SLCO3A1: variants seen among roughly 807,000 people sequenced by gnomAD.
The protein encoded by SLCO3A1 is solute carrier organic anion transporter family member 3A1.
Under a neutral mutation model 63.1 loss-of-function variants are expected in SLCO3A1, and 27 were observed. The ratio of observed to expected loss-of-function variants is 0.43; its 90% CI spans 0.32 to 0.59. The LOEUF (loss-of-function observed/expected upper bound fraction) is 0.59, where lower values mean the gene tolerates loss of function less well. SLCO3A1 is among the 20% of genes least tolerant of loss of function. The probability of loss-of-function intolerance (pLI) is 0.09; values close to 1 mark genes in which losing one functional copy is unlikely to be tolerated. For missense variants in SLCO3A1, 773 were observed against 945.8 expected (o/e 0.82, Z 2.40); for synonymous variants, 473 against 409.9 (o/e 1.15, Z -1.86).
At chr15:92,158,336 T>A (rs1268057653) in intron 9 of SLCO3A1, among the ~76,000 whole-genome samples, 1 of 152,172 alleles carries the variant, frequency 6.6e-6, no homozygotes, top group East Asian at 1.9e-4. Context: ...CAATAAGAGC[T>A]CTAAAGTCTT....
At chr15:91,868,854 T>G (rs1277856944) in intron 1 of SLCO3A1, among the ~76,000 whole-genome samples, 1 of 152,256 alleles carries the variant, frequency 6.6e-6, no homozygotes, top group Admixed American at 6.5e-5. Flanking sequence ...GAACCTACTC[T>G]TTCCTCTAAA....
intron 2 of SLCO3A1, among the ~76,000 whole-genome samples, chr15:92,001,370 G>A (rs2046253075): frequency 6.6e-6 from 1 of 152,132 alleles, no homozygotes; most frequent in Non-Finnish European, 1.5e-5. Flanking sequence ...GGTGCTTGTG[G>A]AATAAATTCC....
intron 2 of SLCO3A1, among the ~76,000 whole-genome samples, chr15:91,978,454 C>T (rs1408002558): frequency 2.0e-5 from 3 of 152,154 alleles, no homozygotes; most frequent in Middle Eastern, 3.2e-3. Context: ...TTCTTAATTA[C>T]CCAAGCCACC....
chr15:92,066,080 C>A (rs2047147996), intron 2 of SLCO3A1, among the ~76,000 whole-genome samples: 1 of 152,202 alleles, frequency 6.6e-6, no homozygotes, highest in East Asian at 1.9e-4. Context: ...CTGTGAGAGT[C>A]TCCAGTGTGG....
At chr15:92,146,613 A>C (rs1167925639) in intron 7 of SLCO3A1, among the ~76,000 whole-genome samples, 4 of 152,276 alleles carry the variant, frequency 2.6e-5, no homozygotes, top group Non-Finnish European at 5.9e-5. Flanking sequence ...TGCATAAAAG[A>C]GAGGACAAAT....
chr15:91,896,908 T>G (rs187579616), intron 1 of SLCO3A1, among the ~76,000 whole-genome samples: 2 of 152,188 alleles, frequency 1.3e-5, no homozygotes, highest in African/African-American at 4.8e-5. Context: ...TATGTCTCAT[T>G]GATACCAGCC....
chr15:91,984,823 T>G (rs2046030238), intron 2 of SLCO3A1, among the ~76,000 whole-genome samples: 1 of 152,234 alleles, frequency 6.6e-6, no homozygotes, highest in African/African-American at 2.4e-5. Context: ...TCATTGCTTT[T>G]CAACTTTATG....
chr15:91,972,941 T>C (rs1403868844), intron 2 of SLCO3A1, among the ~76,000 whole-genome samples: 1 of 152,114 alleles, frequency 6.6e-6, no homozygotes, highest in Non-Finnish European at 1.5e-5. Flanking sequence ...GCCAATATAG[T>C]GAAGCCCCGT....
intron 9 of SLCO3A1, chr15:92,162,535 A>G (rs1022678091): frequency 1.3e-5 from 8 of 625,930 alleles, no homozygotes; most frequent in Non-Finnish European, 2.1e-5. Context: ...CAGATGAGGA[A>G]ACTAAGGCAG....
At chr15:91,952,613 T>A (rs1268446981) in intron 2 of SLCO3A1, among the ~76,000 whole-genome samples, 1 of 152,218 alleles carries the variant, frequency 6.6e-6, no homozygotes, top group Non-Finnish European at 1.5e-5. Context: ...TGTATCTGGC[T>A]ATGATGTTCA....
chr15:92,090,268 T>C (rs1009690452), intron 2 of SLCO3A1, among the ~76,000 whole-genome samples: 1 of 152,228 alleles, frequency 6.6e-6, no homozygotes, highest in African/African-American at 2.4e-5. Context: ...CTTGGGATAG[T>C]AGATTCACAT....
chr15:91,936,627 A>G (rs182661722), intron 2 of SLCO3A1, among the ~76,000 whole-genome samples: 14 of 152,364 alleles, frequency 9.2e-5, no homozygotes, highest in African/African-American at 2.9e-4. Context: ...TGCGGCTTAC[A>G]GGAATGTACA....
chr15:92,134,527 C>T (rs974963117), intron 7 of SLCO3A1, among the ~76,000 whole-genome samples: 1 of 152,164 alleles, frequency 6.6e-6, no homozygotes, highest in African/African-American at 2.4e-5. Context: ...GAAAAGAACA[C>T]ATTGTAAAAT....
chr15:91,963,418 G>GC (rs1567041137), intron 2 of SLCO3A1, among the ~76,000 whole-genome samples: 2 of 130,582 alleles, frequency 1.5e-5, no homozygotes, highest in African/African-American at 2.8e-5. Flanking sequence ...TGGGGGGGGG[G>GC]GGCGGCAGCA....
At chr15:91,926,558 C>CGTGTGT (rs565234731) in intron 2 of SLCO3A1, among the ~76,000 whole-genome samples, 7,190 of 125,962 alleles carry the variant, frequency 0.057, 341 homozygotes, top group African/African-American at 0.12. Context: ...CCTGCCAAGC[C>CGTGTGT]GTGTGTGTGT....
At chr15:92,136,249 C>A (rs2048055722) in intron 7 of SLCO3A1, among the ~76,000 whole-genome samples, 1 of 152,200 alleles carries the variant, frequency 6.6e-6, no homozygotes. Context: ...TATCCCCATA[C>A]AATCCTCTTA....
At chr15:92,036,646 C>G (rs908463581) in intron 2 of SLCO3A1, among the ~76,000 whole-genome samples, 1 of 152,130 alleles carries the variant, frequency 6.6e-6, no homozygotes, top group Non-Finnish European at 1.5e-5. Flanking sequence ...TTGCTGCTAT[C>G]CAATTAAATT....
At chr15:92,052,000 CT>C (rs1290598333) in intron 2 of SLCO3A1, among the ~76,000 whole-genome samples, 1 of 152,152 alleles carries the variant, frequency 6.6e-6, no homozygotes, top group African/African-American at 2.4e-5. Flanking sequence ...AATGACACAG[CT>C]TTTGAGTAAA....
chr15:92,104,620 C>A, intron 4 of SLCO3A1, 78 bp downstream of exon 4: 2 of 1,469,124 alleles, frequency 1.4e-6, no homozygotes, highest in East Asian at 2.4e-5. Flanking sequence ...GGGTGGCACC[C>A]AGGACTGGGG....
Sources: gnomAD v4.1 joint callset for allele counts (sites outside exome capture counted in the v4.1 genomes callset) on GRCh38, gnomAD v4.1.1 for gene constraint, MANE v1.5 for transcripts, NCBI Gene and HGNC (gene_info 2026-07-23, HGNC 2026-07-21) for gene names.